The following PDE3A variants were observed in gnomAD, a reference collection of about 807,000 sequenced individuals.
The protein encoded by PDE3A is phosphodiesterase 3A, also known as cGMP-inhibited 3',5'-cyclic phosphodiesterase 3A.
Under a neutral mutation model 98.3 loss-of-function variants are expected in PDE3A, and 43 were observed. The ratio of observed to expected loss-of-function variants is 0.44; its 90% confidence interval spans 0.34 to 0.56. PDE3A has a LOEUF of 0.56. PDE3A is among the 20% of genes least tolerant of loss of function. The probability of loss-of-function intolerance (pLI) is 0.01; values close to 1 mark genes in which losing one functional copy is unlikely to be tolerated. For missense variants in PDE3A, 1,427 were observed against 1,440.7 expected (o/e 0.99, Z 0.15); for synonymous variants, 663 against 567.9 (o/e 1.17, Z -2.38).
In PDE3A at chr12:20,472,472, T is replaced by C. The variant is rs372677334; in HGVS notation, c.961-84188T>C. On this transcript the variant is annotated intron_variant, in intron 1 of 15. Transcript: ENST00000359062. ...AGAAACTTGAAGAGAGATACCACTT[T>C]GTTTTTCTTCCTAAAGGTGCAACTA... Among the ~76,000 whole-genome samples, 51 of 152,288 alleles carry C rather than the reference T, an allele frequency of 3.3e-4. 2 individuals are homozygous for C. The highest frequency in any genetic ancestry group is 1.2e-3 in the African/African-American group (51 of 41,568).
intron 1 of PDE3A, among the ~76,000 whole-genome samples, chr12:20,374,577 T>A (rs139599245): frequency 6.6e-6 from 1 of 152,064 alleles, no homozygotes; most frequent in African/African-American, 2.4e-5. Flanking sequence ...TTTGTGTGAA[T>A]TTGTTGTAGT....
chr12:20,483,192 C>A (rs531409781), intron 1 of PDE3A, among the ~76,000 whole-genome samples: 14 of 152,158 alleles, frequency 9.2e-5, no homozygotes, highest in African/African-American at 3.1e-4. Flanking sequence ...ATATCGGGAC[C>A]ATCCTGGCCA....
chr12:20,549,384 G>A (rs986294411), intron 1 of PDE3A, among the ~76,000 whole-genome samples: 1 of 142,640 alleles, frequency 7.0e-6, no homozygotes, highest in Non-Finnish European at 1.5e-5. Flanking sequence ...CCCCATCATT[G>A]CCTCTTTCTT....
At position 20,613,641 on chromosome 12, in the gene PDE3A, A is replaced by C. The variant is rs765851273; in HGVS notation, c.1210A>C (p.Asn404His). The C allele has an allele frequency of 8.9e-5, 143 of 1,613,762 alleles. No individual in the cohort carries two copies. Among genetic ancestry groups the C allele is most frequent in the Non-Finnish European group, 1.2e-4 (140 of 1,179,768 alleles). Residue 404 changes from asparagine to histidine, a missense_variant, in exon 3 of 16, where the codon AAC becomes CAC. This residue lies in a region of PDE3A where 1,012 missense variants were observed against 886.5 expected (regional missense o/e 1.14). Transcript: ENST00000359062. ...RVNPVTSLSE[N>H]YTCSDSEESS... Reference sequence around the variant, plus strand: ...GAATCCCGTCACTTCGCTCAGTGAAAACTATACCTGTTCTGACTCTGAAGA... The same window carrying C: ...GAATCCCGTCACTTCGCTCAGTGAACACTATACCTGTTCTGACTCTGAAGA...
At chr12:20,380,590 T>C (rs1011749040) in intron 1 of PDE3A, among the ~76,000 whole-genome samples, 3 of 151,836 alleles carry the variant, frequency 2.0e-5, no homozygotes, top group Non-Finnish European at 2.9e-5. Context: ...TTGAGTATGT[T>C]AGGCAGATGA....
At position 20,369,995 on chromosome 12, in the gene PDE3A, AC is replaced by A; in HGVS notation, c.713del (p.Pro238LeufsTer38). ...SLERFKVAWR[P>X]YLAYLAGVLG... Reference sequence around the variant, plus strand: ...TAGAGAGGTTCAAGGTCGCCTGGAGACCTTACCTGGCGTACCTGGCCGGCGT... The same window carrying A: ...TAGAGAGGTTCAAGGTCGCCTGGAGACTTACCTGGCGTACCTGGCCGGCGT... On this transcript the variant is annotated frameshift_variant, in exon 1 of 16. Coordinates refer to ENST00000359062, the MANE Select transcript of PDE3A (RefSeq NM_000921.5). LOFTEE classifies it high-confidence loss of function. The A allele has an allele frequency of 1.2e-6, 2 of 1,612,826 alleles. No homozygotes were observed. The highest frequency in any genetic ancestry group is 1.7e-6 in the Non-Finnish European group (2 of 1,179,928).
At position 20,427,981 on chromosome 12, in the gene PDE3A, G is replaced by A. The variant is rs185663369; in HGVS notation, c.960+57737G>A. Among the ~76,000 whole-genome samples the A allele has an allele frequency of 1.6e-3, 242 of 152,108 alleles. 2 individuals are homozygous for A. The highest frequency in any genetic ancestry group is 5.6e-3 in the African/African-American group (231 of 41,506). On this transcript the variant is annotated intron_variant, in intron 1 of 15. Coordinates refer to ENST00000359062, the MANE Select transcript of PDE3A (RefSeq NM_000921.5). ...AGCACTTTGGGAGGCTGAGACGGGCGGATCACGAGGTCAGGAGGTCAGGAG... is the reference window on the plus strand; with the variant it reads ...AGCACTTTGGGAGGCTGAGACGGGCAGATCACGAGGTCAGGAGGTCAGGAG...
chr12:20,682,002 G>A lies in PDE3A; in HGVS notation c.*1731G>A, dbSNP rs1439403371. ...TCTCCAAGCCCAGTAAGAGAATGAT[G>A]ATTCATTTGCATGGAGGTCGATGGA... is the stretch of plus-strand genomic sequence containing the variant. On this transcript the variant is annotated 3_prime_UTR_variant, in exon 16 of 16. Coordinates refer to ENST00000359062, the MANE Select transcript of PDE3A (RefSeq NM_000921.5). The A allele has an allele frequency of 2.0e-5, 3 of 152,142 alleles. No individual in the cohort carries two copies. The highest frequency in any genetic ancestry group is 4.4e-5 in the Non-Finnish European group (3 of 68,024). 9.4% of individuals were successfully genotyped at this position (152,142 alleles called of 1,614,324 possible).
chr12:20,482,846 G>C (rs1945655490), intron 1 of PDE3A, among the ~76,000 whole-genome samples: 1 of 152,140 alleles, frequency 6.6e-6, no homozygotes, highest in Admixed American at 6.5e-5. Context: ...TGCAACAATT[G>C]CTTAATTTTT....
At chr12:20,612,377 C>T (rs1220935361) in intron 2 of PDE3A, among the ~76,000 whole-genome samples, 1 of 151,246 alleles carries the variant, frequency 6.6e-6, no homozygotes, top group African/African-American at 2.4e-5. Flanking sequence ...GTGTGGCAAA[C>T]ATTTTCTCAC....
Position 20,650,646 on chromosome 12 carries a change from G to C in PDE3A, c.2925+46G>C, listed in dbSNP as rs147339263. On this transcript the variant is annotated intron_variant, in intron 14 of 15. Coordinates refer to ENST00000359062, the MANE Select transcript of PDE3A (RefSeq NM_000921.5). ...ACAGCTTAATCTGTACTTACAGGTTGCTCATGAATTGCTCAAAGCTTCTAA... is the reference window on the plus strand; with the variant it reads ...ACAGCTTAATCTGTACTTACAGGTTCCTCATGAATTGCTCAAAGCTTCTAA... 3 of 1,249,174 alleles carry C rather than the reference G, an allele frequency of 2.4e-6. No individual in the cohort carries two copies. In the Admixed American group the frequency reaches 5.9e-5, roughly 25 times the overall value. 77.4% of individuals were successfully genotyped at this position (1,249,174 alleles called of 1,614,324 possible). A position where few individuals can be genotyped will look rare whatever the true frequency, so the allele number is the denominator to read the frequency against.
chr12:20,493,594 C>G (rs890447274), intron 1 of PDE3A, among the ~76,000 whole-genome samples: 2 of 152,104 alleles, frequency 1.3e-5, no homozygotes, highest in African/African-American at 2.4e-5. Context: ...ACTTCTCTCT[C>G]TCTCCACACA....
At chr12:20,404,976 ATTTC>A (rs1490893211) in intron 1 of PDE3A, among the ~76,000 whole-genome samples, 1 of 151,688 alleles carries the variant, frequency 6.6e-6, no homozygotes, top group Non-Finnish European at 1.5e-5. Context: ...TGCTACCTTT[ATTTC>A]TTCCCCCAAA....
intron 1 of PDE3A, among the ~76,000 whole-genome samples, chr12:20,533,186 G>GT (rs1486416964): frequency 2.0e-5 from 3 of 152,008 alleles, no homozygotes; most frequent in African/African-American, 7.2e-5. Context: ...CCATTAAGGA[G>GT]TTTGCATTTT....
rs1353418167 is a variant in PDE3A at position 20,483,037 on chromosome 12, C to A, written c.961-73623C>A. Among the ~76,000 whole-genome samples, 3 of 152,006 alleles carry A rather than the reference C, an allele frequency of 2.0e-5. No individual in the cohort carries two copies. The South Asian group carries it at 6.2e-4, about 32-fold the overall frequency. On this transcript the variant is annotated intron_variant, in intron 1 of 15. Coordinates refer to ENST00000359062, the MANE Select transcript of PDE3A (RefSeq NM_000921.5). Reference sequence around the variant, plus strand: ...TATAGCACTGCTTTTCCTAGACATCCTTTTTTCAGACAACATTACTAAGGA... The same window carrying A: ...TATAGCACTGCTTTTCCTAGACATCATTTTTTCAGACAACATTACTAAGGA...
At chr12:20,543,280 T>G (rs2121226322) in intron 1 of PDE3A, among the ~76,000 whole-genome samples, 1 of 151,846 alleles carries the variant, frequency 6.6e-6, no homozygotes, top group Non-Finnish European at 1.5e-5. Flanking sequence ...TAAACAGGCC[T>G]AACTATCAAT....
chr12:20,604,131 T>G (rs1205230614), intron 2 of PDE3A, among the ~76,000 whole-genome samples: 1 of 147,486 alleles, frequency 6.8e-6, no homozygotes, highest in Non-Finnish European at 1.5e-5. Flanking sequence ...ATCGTGCCAC[T>G]GCACTCCAGC....
At chr12:20,608,511 C>T (rs1943769088) in intron 2 of PDE3A, among the ~76,000 whole-genome samples, 1 of 152,150 alleles carries the variant, frequency 6.6e-6, no homozygotes, top group African/African-American at 2.4e-5. Context: ...AAAGCTACAG[C>T]ATAATAGTAG....
chr12:20,482,140 G>C (rs1296127282), intron 1 of PDE3A, among the ~76,000 whole-genome samples: 1 of 151,796 alleles, frequency 6.6e-6, no homozygotes, highest in Non-Finnish European at 1.5e-5. Flanking sequence ...ATTTCTCCCT[G>C]TTGTTTTGAC....
Sources: allele counts gnomAD v4.1 joint callset (sites outside exome capture counted in the v4.1 genomes callset), GRCh38; gene constraint gnomAD v4.1.1; regional missense constraint gnomAD v4.1.1; transcripts MANE v1.5; gene names NCBI Gene and HGNC (gene_info 2026-07-23, HGNC 2026-07-21).